The following COX7B2 variants were observed in gnomAD, a reference collection of about 807,000 sequenced individuals.
COX7B2 encodes cytochrome c oxidase subunit 7B2, mitochondrial.
For missense variants in COX7B2, 109 were observed against 95.9 expected (o/e 1.14, Z -0.57); for synonymous variants, 37 against 32.1 (o/e 1.15, Z -0.51).
intron 2 of COX7B2, among the ~76,000 whole-genome samples, chr4:46,836,933 C>T (rs567931524): frequency 1.1e-4 from 17 of 152,106 alleles, no homozygotes; most frequent in African/African-American, 2.9e-4. Flanking sequence ...ATTGAAACAT[C>T]GTTATGCGGC....
At chr4:46,905,721 T>C (rs1348418376) in intron 1 of COX7B2, among the ~76,000 whole-genome samples, 1 of 151,638 alleles carries the variant, frequency 6.6e-6, no homozygotes, top group Non-Finnish European at 1.5e-5. Context: ...TTTCATTCCC[T>C]CTCTGAGCCC....
chr4:46,854,174 C>T (rs1716869609), intron 1 of COX7B2, among the ~76,000 whole-genome samples: 1 of 152,080 alleles, frequency 6.6e-6, no homozygotes, highest in African/African-American at 2.4e-5. Context: ...TATGTATCAA[C>T]ATACAAGATA....
At chr4:46,762,474 A>AG (rs1716244103) in intron 2 of COX7B2, among the ~76,000 whole-genome samples, 1 of 139,692 alleles carries the variant, frequency 7.2e-6, no homozygotes, top group Non-Finnish European at 1.5e-5. Flanking sequence ...TATGTACTAT[A>AG]TATACTATAT....
chr4:46,805,307 G>C (rs116262251), intron 2 of COX7B2, among the ~76,000 whole-genome samples: 1 of 152,232 alleles, frequency 6.6e-6, no homozygotes, highest in Non-Finnish European at 1.5e-5. Flanking sequence ...AGGAGGTGCC[G>C]AGAGCCAGCC....
At chr4:46,812,219 A>G (rs1719319060) in intron 2 of COX7B2, among the ~76,000 whole-genome samples, 1 of 152,152 alleles carries the variant, frequency 6.6e-6, no homozygotes, top group African/African-American at 2.4e-5. Context: ...TTGAGGCCAT[A>G]GGCTCACTCT....
chr4:46,753,184 G>C (rs1346789901), intron 2 of COX7B2, among the ~76,000 whole-genome samples: 2 of 152,150 alleles, frequency 1.3e-5, no homozygotes, highest in African/African-American at 4.8e-5. Flanking sequence ...ATTTCTTCTA[G>C]ATTTTCTAGT....
At chr4:46,874,531 C>T (rs929197751) in intron 1 of COX7B2, among the ~76,000 whole-genome samples, 1 of 152,168 alleles carries the variant, frequency 6.6e-6, no homozygotes, top group South Asian at 2.1e-4. Flanking sequence ...TACCAAAGAA[C>T]ATATGGACCA....
intron 1 of COX7B2, among the ~76,000 whole-genome samples, chr4:46,892,644 A>C (rs1369314236): frequency 6.6e-6 from 1 of 152,158 alleles, no homozygotes; most frequent in Non-Finnish European, 1.5e-5. Flanking sequence ...GAAAAAAATG[A>C]CTCCTTATCA....
chr4:46,787,211 G>C (rs1010725061), intron 2 of COX7B2, among the ~76,000 whole-genome samples: 1 of 152,200 alleles, frequency 6.6e-6, no homozygotes, highest in Non-Finnish European at 1.5e-5. Flanking sequence ...ACTTTGGGAA[G>C]TCGAGGCGGG....
At chr4:46,765,364 G>A (rs901733006) in intron 2 of COX7B2, among the ~76,000 whole-genome samples, 2 of 152,110 alleles carry the variant, frequency 1.3e-5, no homozygotes, top group Non-Finnish European at 2.9e-5. Flanking sequence ...TGCCATGGAC[G>A]CTAGCAGCAT....
At chr4:46,833,939 A>T (rs1715338385) in intron 2 of COX7B2, among the ~76,000 whole-genome samples, 1 of 152,190 alleles carries the variant, frequency 6.6e-6, no homozygotes, top group African/African-American at 2.4e-5. Context: ...CAAGAATGTA[A>T]AGATGTAGCT....
At chr4:46,906,004 T>C (rs1720367022) in intron 1 of COX7B2, among the ~76,000 whole-genome samples, 1 of 150,962 alleles carries the variant, frequency 6.6e-6, no homozygotes, top group Non-Finnish European at 1.5e-5. Flanking sequence ...TAATTTTTTG[T>C]ATTTTTAGTA....
At chr4:46,754,323 A>T (rs58242878) in intron 2 of COX7B2, among the ~76,000 whole-genome samples, 46,791 of 148,538 alleles carry the variant, frequency 0.32, 7,009 homozygotes, top group South Asian at 0.45. Context: ...CAAATGTCCA[A>T]CAATGATAGA....
chr4:46,757,936 C>T (rs972222881), intron 2 of COX7B2, among the ~76,000 whole-genome samples: 2 of 152,108 alleles, frequency 1.3e-5, no homozygotes, highest in Non-Finnish European at 2.9e-5. Context: ...TGGAGGGAAG[C>T]TGGCATCAGG....
intron 2 of COX7B2, among the ~76,000 whole-genome samples, chr4:46,813,097 G>C (rs957425897): frequency 1.3e-5 from 2 of 152,156 alleles, no homozygotes; most frequent in African/African-American, 4.8e-5. Context: ...AGGGAAGAAT[G>C]CACCACCAAC....
At chr4:46,878,846 GT>G (rs761352456) in intron 1 of COX7B2, among the ~76,000 whole-genome samples, 26 of 152,212 alleles carry the variant, frequency 1.7e-4, no homozygotes, top group Non-Finnish European at 3.5e-4. Flanking sequence ...TACATCACTA[GT>G]TCTACTTACA....
At chr4:46,848,820 A>C (rs911305489) in intron 1 of COX7B2, among the ~76,000 whole-genome samples, 1 of 151,918 alleles carries the variant, frequency 6.6e-6, no homozygotes, top group Non-Finnish European at 1.5e-5. Flanking sequence ...CGTCCCTTGG[A>C]TTCCATGGAG....
At chr4:46,736,419 A>ATGC (rs1714366825) in intron 2 of COX7B2, among the ~76,000 whole-genome samples, 1 of 152,152 alleles carries the variant, frequency 6.6e-6, no homozygotes, top group African/African-American at 2.4e-5. Flanking sequence ...ATGGTGAATG[A>ATGC]TGGGTCCAGC....
intron 2 of COX7B2, among the ~76,000 whole-genome samples, chr4:46,802,198 A>G (rs1051522778): frequency 1.3e-5 from 2 of 152,166 alleles, no homozygotes; most frequent in Non-Finnish European, 2.9e-5. Flanking sequence ...GAAGCAAAAA[A>G]GAGACTTTGC....
Sources: allele counts gnomAD v4.1 joint callset (sites outside exome capture counted in the v4.1 genomes callset), GRCh38; gene constraint gnomAD v4.1.1; transcripts MANE v1.5; gene names NCBI Gene and HGNC (gene_info 2026-07-23, HGNC 2026-07-21).